The following HOXA3 variants were observed in gnomAD, a reference collection of about 807,000 sequenced individuals.
HOXA3 encodes homeobox A3.
HOXA3 carries 8 observed loss-of-function variants against 30.3 expected under a neutral mutation model. The observed-to-expected ratio is 0.26, with a 90% CI of 0.15 to 0.48. HOXA3 has a LOEUF of 0.48. Among genes scored for constraint, HOXA3 ranks in the 20% least tolerant of loss-of-function variants. The probability of loss-of-function intolerance (pLI) is 0.99; values close to 1 mark genes in which losing one functional copy is unlikely to be tolerated. For missense variants in HOXA3, 653 were observed against 614.4 expected (o/e 1.06, Z -0.66); for synonymous variants, 323 against 273.1 (o/e 1.18, Z -1.80).
chr7:27,122,403 G>A (rs1269153131), intron 4 of HOXA3, 156 bp downstream of exon 4: 1 of 152,206 alleles, frequency 6.6e-6, no homozygotes, highest in East Asian at 1.9e-4. Flanking sequence ...AGGGCAAGAA[G>A]CTTAAAGGAA....
chr7:27,145,788 G>C (rs899753603), intron 1 of HOXA3: 4 of 1,614,262 alleles, frequency 2.5e-6, no homozygotes, highest in Non-Finnish European at 3.4e-6. Flanking sequence ...GAGGCAGAGC[G>C]CGTTGGCGAT....
chr7:27,149,992 G>C (rs1345280861), intron 1 of HOXA3: 2 of 152,142 alleles, frequency 1.3e-5, no homozygotes, highest in African/African-American at 4.8e-5. Flanking sequence ...CAGGATTCTC[G>C]ATCTAATTAT....
intron 1 of HOXA3, chr7:27,151,727 T>C (rs1782979293): frequency 4.4e-6 from 2 of 456,250 alleles, no homozygotes; most frequent in African/African-American, 2.0e-5. Flanking sequence ...CTGAAACCAA[T>C]TCCCACGGAG....
At chr7:27,121,617 T>C (rs200146916) in intron 4 of HOXA3, among the ~76,000 whole-genome samples, 2 of 152,312 alleles carry the variant, frequency 1.3e-5, no homozygotes, top group East Asian at 3.9e-4. Flanking sequence ...TGCAATTAAT[T>C]AACAACCTGA....
intron 4 of HOXA3, chr7:27,122,257 TGTTTGGG>T (rs1488891944): frequency 1.3e-5 from 2 of 152,254 alleles, no homozygotes; most frequent in African/African-American, 2.4e-5. Context: ...TGTAGTGGTT[TGTTTGGG>T]GCTTGCAGGA....
At chr7:27,140,827 G>T (rs971076117) in intron 1 of HOXA3, among the ~76,000 whole-genome samples, 1 of 152,128 alleles carries the variant, frequency 6.6e-6, no homozygotes. Flanking sequence ...CTCAGAGATG[G>T]ACAGGGTGTT....
rs1784291558 is a variant in HOXA3 at position 27,110,336 on chromosome 7, G to A, written c.305C>T (p.Pro102Leu). ...CTGAGGTGCGGGCTGAGGCGGCTGT[G>A]GGGCAGGGGGCGCGGCCTGGGGCGG... ...PPPPQAAPPA[P>L]QPPQPAPQPP... Residue 102 changes from proline (P) to leucine (L), a missense_variant, in exon 5 of 6, where the codon CCA becomes CTA. By Grantham distance (98) the Pro-to-Leu change is moderately conservative. Coordinates refer to ENST00000612286, the MANE Select transcript of HOXA3 (RefSeq NM_153631.3). The A allele has an allele frequency of 1.3e-6, 2 of 1,509,614 alleles. No individual in the cohort carries two copies. The highest frequency in any genetic ancestry group is 1.4e-5 in the African/African-American group (1 of 72,604). 93.5% of individuals were successfully genotyped at this position (1,509,614 alleles called of 1,614,324 possible). A position where few individuals can be genotyped will look rare whatever the true frequency, so the allele number is the denominator to read the frequency against.
intron 1 of HOXA3, among the ~76,000 whole-genome samples, chr7:27,148,936 C>T (rs1026730812): frequency 6.6e-6 from 1 of 152,272 alleles, no homozygotes; most frequent in African/African-American, 2.4e-5. Flanking sequence ...CCGGGGCGCC[C>T]GACAACCGGC....
intron 1 of HOXA3, chr7:27,143,528 T>A (rs749267060): frequency 6.2e-7 from 1 of 1,613,812 alleles, no homozygotes; most frequent in Non-Finnish European, 8.5e-7. Flanking sequence ...CACGGAACTA[T>A]GATCTCCATA....
At position 27,110,281 on chromosome 7, in the gene HOXA3, CG is replaced by C; in HGVS notation, c.359del (p.Pro120ArgfsTer40). The C allele has an allele frequency of 9.3e-7, 1 of 1,074,476 alleles. No individual in the cohort carries two copies. The allele number at this position is 1,074,476 out of a possible 1,614,324, so 66.6% of individuals were successfully genotyped here. On this transcript the variant is annotated frameshift_variant, in exon 5 of 6. Transcript: ENST00000612286. LOFTEE classifies it high-confidence loss of function. ...GAGGAGGGGAGGCAGAAGAGGGAGG[CG>C]GGGGCGCGGCAGGGGTAGGTGCAGG... Reference protein sequence around the residue: ...QPPAPTPAAPPPPSSASPPQN... With the variant: ...QPPAPTPAAPXPPSSASPPQN...
In HOXA3 at chr7:27,107,888, T is replaced by A; in HGVS notation, c.*27A>T. On this transcript the variant is annotated 3_prime_UTR_variant, in exon 6 of 6. Transcript: ENST00000612286. ...AAAAAAGGTGGGTGGGGGGAGACTC[T>A]CCTGGCGCGTAGCCCCAAGCCCACT... is the stretch of plus-strand genomic sequence containing the variant. 29 of 1,213,832 alleles carry A rather than the reference T, an allele frequency of 2.4e-5. No homozygotes were observed. The highest frequency in any genetic ancestry group is 3.2e-5 in the African/African-American group (2 of 62,814). The allele number at this position is 1,213,832 out of a possible 1,614,324, so 75.2% of individuals were successfully genotyped here. A position where few individuals can be genotyped will look rare whatever the true frequency, so the allele number is the denominator to read the frequency against.
At position 27,129,981 on chromosome 7, in the gene HOXA3, T is replaced by C. The variant is rs538292146; in HGVS notation, c.-389-2911A>G. 3.8e-5 allele frequency: 38 copies of C among 1,010,202 alleles called. No individual in the cohort carries two copies. The East Asian group carries it at 9.2e-4, about 24-fold the overall frequency. The allele number at this position is 1,010,202 out of a possible 1,614,324, so 62.6% of individuals were successfully genotyped here. A position where few individuals can be genotyped will look rare whatever the true frequency, so the allele number is the denominator to read the frequency against. ...GCTGGCTGGCGCGCACATACCCACA[T>C]CTCACCGCAGCCCGGGTCAGATGGG... On this transcript the variant is annotated intron_variant, in intron 2 of 5. Coordinates refer to ENST00000612286, the MANE Select transcript of HOXA3 (RefSeq NM_153631.3).
intron 5 of HOXA3, 122 bp downstream of exon 5, chr7:27,109,981 TGGTGGGCAGTGG>T: frequency 9.1e-7 from 1 of 1,102,326 alleles, no homozygotes; most frequent in Non-Finnish European, 1.3e-6. Flanking sequence ...AAAACCTTTT[TGGTGGGCAGTGG>T]TGTGGGAGCA....
intron 2 of HOXA3, chr7:27,130,013 C>T: frequency 1.5e-6 from 2 of 1,323,072 alleles, no homozygotes; most frequent in South Asian, 1.3e-5. Context: ...TGGGGGCTCC[C>T]CTCCCGAGGC....
intron 2 of HOXA3, among the ~76,000 whole-genome samples, chr7:27,138,221 T>C (rs1785772399): frequency 6.6e-6 from 1 of 152,188 alleles, no homozygotes; most frequent in Non-Finnish European, 1.5e-5. Flanking sequence ...TTACACACAA[T>C]GACTTCAGGA....
At chr7:27,109,947 C>T (rs1261771730) in intron 5 of HOXA3, 168 bp downstream of exon 5, 2 of 768,736 alleles carry the variant, frequency 2.6e-6, no homozygotes, top group Non-Finnish European at 4.2e-6. Context: ...AGGCCTATCA[C>T]CTCCCTAAGT....
intron 1 of HOXA3, chr7:27,151,395 T>TG (rs1583417385): frequency 2.9e-6 from 1 of 339,278 alleles, no homozygotes; most frequent in East Asian, 8.5e-5. Flanking sequence ...GGGAGTGCGG[T>TG]CGCCAGTCCG....
chr7:27,148,902 C>T (rs942687611), intron 1 of HOXA3, among the ~76,000 whole-genome samples: 3 of 152,258 alleles, frequency 2.0e-5, no homozygotes, highest in African/African-American at 7.2e-5. Flanking sequence ...CCCAAGGCCG[C>T]GGGATAATTG....
In HOXA3 at chr7:27,131,748, C is replaced by T. The variant is rs780588742; in HGVS notation, c.-389-4678G>A. On this transcript the variant is annotated intron_variant, in intron 2 of 5. Transcript: ENST00000612286. Reference sequence around the variant, plus strand: ...AGAACTATCCCCAAACAAAAACAAGCTAAGGGTAGAATAAACACCTTGCCG... The same window carrying T: ...AGAACTATCCCCAAACAAAAACAAGTTAAGGGTAGAATAAACACCTTGCCG... 2.4e-4 allele frequency among the ~76,000 whole-genome samples: 36 copies of T among 152,304 alleles called. 1 individual carries two copies. Among genetic ancestry groups the T allele is most frequent in the Non-Finnish European group, 4.1e-4 (28 of 68,010 alleles).
Sources: allele counts gnomAD v4.1 joint callset (sites outside exome capture counted in the v4.1 genomes callset), GRCh38; gene constraint gnomAD v4.1.1; transcripts MANE v1.5; gene names NCBI Gene and HGNC (gene_info 2026-07-23, HGNC 2026-07-21).